The following PIAS1 variants were observed in gnomAD, a reference collection of about 807,000 sequenced individuals.
PIAS1 encodes protein inhibitor of activated STAT 1.
Under a neutral mutation model 71.3 loss-of-function variants are expected in PIAS1, and 6 were observed. That is an observed-to-expected ratio of 0.08 (90% CI 0.05 to 0.17). PIAS1 has a LOEUF of 0.17. Ranked by LOEUF, PIAS1 falls within the 10% of genes least tolerant of loss-of-function variation. The pLI, the probability that PIAS1 is intolerant of heterozygous loss-of-function variation, is 1.00. For missense variants in PIAS1, 555 were observed against 793.6 expected (o/e 0.70, Z 3.61); for synonymous variants, 303 against 292.9 (o/e 1.03, Z -0.35).
chr15:68,055,502 T>G lies in PIAS1; in HGVS notation c.24+1152T>G, dbSNP rs375502307. On this transcript the variant is annotated intron_variant, in intron 1 of 13. Transcript: ENST00000249636. ...CTACACAAGCAGTTGGGGGAGGGGGTGGTGGAACCCTTATGACTGGATTGT... is the reference window on the plus strand; with the variant it reads ...CTACACAAGCAGTTGGGGGAGGGGGGGGTGGAACCCTTATGACTGGATTGT... 6.4e-3 allele frequency among the ~76,000 whole-genome samples: 969 copies of G among 151,740 alleles called. 8 individuals carry two copies. The highest frequency in any genetic ancestry group is 0.035 in the East Asian group (182 of 5,152).
In PIAS1 at chr15:68,175,670, C is replaced by T. The variant is rs2093016342; in HGVS notation, c.1203C>T (p.Asp401=). 1 of 1,586,342 alleles carries T rather than the reference C, an allele frequency of 6.3e-7. No homozygotes were observed. The highest frequency in any genetic ancestry group is 2.3e-5 in the East Asian group (1 of 44,276). ...TGGAAATCCTAAAGTACTGTACAGA[C>T]TGTGATGAAATACAATTTAAGGAGG... ...LFMEILKYCT[D]CDEIQFKEDG... Residue 401 remains aspartate, a synonymous_variant, in exon 10 of 14, where the codon GAC becomes GAT. Transcript: ENST00000249636.
intron 2 of PIAS1, among the ~76,000 whole-genome samples, chr15:68,102,186 C>G (rs2092432691): frequency 6.6e-6 from 1 of 152,186 alleles, no homozygotes; most frequent in South Asian, 2.1e-4. Flanking sequence ...TTATGGAGAT[C>G]TAACTGTTCT....
At chr15:68,090,943 T>A (rs1468910336) in intron 2 of PIAS1, among the ~76,000 whole-genome samples, 2 of 151,522 alleles carry the variant, frequency 1.3e-5, no homozygotes, top group Admixed American at 6.6e-5. Context: ...TGTGTGTGTG[T>A]GTGTGTGTGT....
chr15:68,093,030 G>A (rs182352200), intron 2 of PIAS1, among the ~76,000 whole-genome samples: 2 of 152,264 alleles, frequency 1.3e-5, no homozygotes, highest in East Asian at 3.9e-4. Flanking sequence ...GTTGGTCAAG[G>A]CCTTTTCTTT....
chr15:68,154,671 G>C (rs2092875005), intron 7 of PIAS1, among the ~76,000 whole-genome samples: 1 of 152,178 alleles, frequency 6.6e-6, no homozygotes, highest in African/African-American at 2.4e-5. Context: ...GTTCATTGAA[G>C]AATTTTTCTG....
intron 1 of PIAS1, among the ~76,000 whole-genome samples, chr15:68,075,124 G>C (rs1258236578): frequency 1.2e-5 from 1 of 80,178 alleles, no homozygotes; most frequent in Admixed American, 2.1e-4. Flanking sequence ...TCTCTCTTTT[G>C]CCCAGGCTGG....
At chr15:68,102,203 C>G (rs1334439182) in intron 2 of PIAS1, among the ~76,000 whole-genome samples, 1 of 152,104 alleles carries the variant, frequency 6.6e-6, no homozygotes, top group Non-Finnish European at 1.5e-5. Context: ...TTCTTAGACC[C>G]CTGTTGCAAA....
At chr15:68,177,278 CAAAAA>C (rs3083984) in intron 11 of PIAS1, among the ~76,000 whole-genome samples, 3 of 90,874 alleles carry the variant, frequency 3.3e-5, no homozygotes, top group Admixed American at 1.4e-4. Flanking sequence ...GACTTTGTCT[CAAAAA>C]AAAAAAAAAA....
chr15:68,177,990 A>G (rs1382057541), intron 11 of PIAS1, among the ~76,000 whole-genome samples: 1 of 152,240 alleles, frequency 6.6e-6, no homozygotes, highest in East Asian at 1.9e-4. Context: ...ACAACACCAG[A>G]TCAAGAGCAG....
intron 11 of PIAS1, 151 bp from the exon 12 acceptor site, chr15:68,181,061 T>A (rs868008644): frequency 3.2e-6 from 2 of 621,646 alleles, no homozygotes; most frequent in Middle Eastern, 2.8e-4. Context: ...CTCATAATTG[T>A]GTATAATCTA....
intron 2 of PIAS1, among the ~76,000 whole-genome samples, chr15:68,123,149 T>TA (rs1190360262): frequency 1.2e-4 from 18 of 152,324 alleles, no homozygotes; most frequent in Admixed American, 3.9e-4. Context: ...ACTCCTAGGC[T>TA]AAAGTGGTCC....
rs368373360 is a variant in PIAS1 at position 68,099,130 on chromosome 15, T to TTTG, written c.469+12401_469+12403dup. Among the ~76,000 whole-genome samples, 40 of 151,856 alleles carry TTTG rather than the reference T, an allele frequency of 2.6e-4. 1 individual carries two copies. Among genetic ancestry groups the TTTG allele is most frequent in the Admixed American group, 4.6e-4 (7 of 15,240 alleles). On this transcript the variant is annotated intron_variant, in intron 2 of 13. Transcript: ENST00000249636. ...ACTTCTCTTATGGGTGAGGGTGAAG[T>TTTG]TTGTTGTTGTTGTTGTTGTTGTTTT...
At chr15:68,109,632 C>T (rs2141008006) in intron 2 of PIAS1, among the ~76,000 whole-genome samples, 1 of 152,250 alleles carries the variant, frequency 6.6e-6, no homozygotes, top group East Asian at 1.9e-4. Flanking sequence ...GAGGATAAAT[C>T]TTTGTCCTAG....
chr15:68,164,338 G>A (rs549934149), intron 7 of PIAS1, among the ~76,000 whole-genome samples: 1 of 151,876 alleles, frequency 6.6e-6, no homozygotes, highest in African/African-American at 2.4e-5. Context: ...TAATGTCCTC[G>A]AAAGTAGAAG....
chr15:68,116,129 C>T (rs1357037974), intron 2 of PIAS1, among the ~76,000 whole-genome samples: 1 of 150,078 alleles, frequency 6.7e-6, no homozygotes. Context: ...TTTTTCTTGT[C>T]AGGTAGAATT....
At position 68,095,706 on chromosome 15, in the gene PIAS1, A is replaced by G. The variant is rs151032862; in HGVS notation, c.469+8956A>G. Reference sequence around the variant, plus strand: ...CTGCCACGCCTGGCTCATTTTTTGTATTTTCGTAGAGACAGGGTTTCATCA... The same window carrying G: ...CTGCCACGCCTGGCTCATTTTTTGTGTTTTCGTAGAGACAGGGTTTCATCA... On this transcript the variant is annotated intron_variant, in intron 2 of 13. Coordinates refer to ENST00000249636, the MANE Select transcript of PIAS1 (RefSeq NM_016166.3). 2.6e-5 allele frequency among the ~76,000 whole-genome samples: 4 copies of G among 151,182 alleles called. No homozygotes were observed. The East Asian group carries it at 5.9e-4, about 22-fold the overall frequency.
chr15:68,066,537 A>C (rs964950384), intron 1 of PIAS1, among the ~76,000 whole-genome samples: 3 of 152,198 alleles, frequency 2.0e-5, no homozygotes, highest in Non-Finnish European at 4.4e-5. Flanking sequence ...ATTGATTTGC[A>C]TTCTACCTAT....
At chr15:68,131,849 C>T (rs536749772) in intron 2 of PIAS1, among the ~76,000 whole-genome samples, 8 of 151,762 alleles carry the variant, frequency 5.3e-5, no homozygotes, top group African/African-American at 1.7e-4. Flanking sequence ...ATACTGTTTT[C>T]GAATCTTTTG....
chr15:68,090,471 A>G (rs567191523), intron 2 of PIAS1, among the ~76,000 whole-genome samples: 1 of 152,154 alleles, frequency 6.6e-6, no homozygotes, highest in Non-Finnish European at 1.5e-5. Flanking sequence ...TTGTTCCTCA[A>G]AATGATAAGG....
Sources: gnomAD v4.1 joint callset for allele counts (sites outside exome capture counted in the v4.1 genomes callset) on GRCh38, gnomAD v4.1.1 for gene constraint, MANE v1.5 for transcripts, NCBI Gene and HGNC (gene_info 2026-07-23, HGNC 2026-07-21) for gene names.